The following RNF185 variants were observed in gnomAD, a reference collection of about 807,000 sequenced individuals.
RNF185 encodes ring finger protein 185, also known as E3 ubiquitin-protein ligase RNF185.
RNF185 carries 13 observed loss-of-function variants against 24.9 expected under a neutral mutation model. That is an observed-to-expected ratio of 0.52 (90% CI 0.34 to 0.83). The LOEUF (loss-of-function observed/expected upper bound fraction) is 0.83, where lower values mean the gene tolerates loss of function less well. Ranked by LOEUF, RNF185 falls within the 40% of genes least tolerant of loss-of-function variation. The pLI is 0.01. For missense variants in RNF185, 184 were observed against 244.7 expected (o/e 0.75, Z 1.65); for synonymous variants, 79 against 90.3 (o/e 0.88, Z 0.71).
intron 2 of RNF185, among the ~76,000 whole-genome samples, chr22:31,189,141 G>A (rs1008211146): frequency 2.7e-5 from 4 of 148,620 alleles, no homozygotes; most frequent in East Asian, 2.0e-4. Context: ...AAAAATGTGT[G>A]TGTGTGTGTG....
At chr22:31,168,677 C>A (rs1375180358) in intron 1 of RNF185, among the ~76,000 whole-genome samples, 2 of 152,122 alleles carry the variant, frequency 1.3e-5, no homozygotes, top group African/African-American at 4.8e-5. Flanking sequence ...TTTTACATTC[C>A]CACCAACAGA....
chr22:31,175,383 G>C (rs1368942397), intron 1 of RNF185, among the ~76,000 whole-genome samples: 1 of 151,720 alleles, frequency 6.6e-6, no homozygotes, highest in Admixed American at 6.6e-5. Context: ...GAACCCGGTA[G>C]GTGGAGGTTG....
intron 5 of RNF185, among the ~76,000 whole-genome samples, chr22:31,200,636 G>GA (rs1451794498): frequency 6.6e-6 from 1 of 152,200 alleles, no homozygotes; most frequent in Non-Finnish European, 1.5e-5. Flanking sequence ...ATGCAGTGTA[G>GA]AACATGCACA....
intron 1 of RNF185, among the ~76,000 whole-genome samples, chr22:31,171,156 C>CTTACTTTATTTAT (rs149267234): frequency 7.0e-6 from 1 of 143,150 alleles, no homozygotes; most frequent in Admixed American, 7.0e-5. Flanking sequence ...CTCTGATTTA[C>CTTACTTTATTTAT]TTATTTATTT....
At chr22:31,182,908 T>TTTTTTA (rs71319169) in intron 1 of RNF185, 4 of 143,060 alleles carry the variant, frequency 2.8e-5, no homozygotes, top group Non-Finnish European at 4.5e-5. Flanking sequence ...ATTTATTTTA[T>TTTTTTA]TTATTATTAT....
intron 1 of RNF185, among the ~76,000 whole-genome samples, chr22:31,169,634 C>T (rs761421873): frequency 1.2e-4 from 18 of 152,148 alleles, no homozygotes; most frequent in Non-Finnish European, 2.2e-4. Flanking sequence ...GCAACCTCTG[C>T]CTCCCGGACT....
chr22:31,184,622 C>T (rs2048078824), intron 1 of RNF185, among the ~76,000 whole-genome samples: 1 of 152,166 alleles, frequency 6.6e-6, no homozygotes, highest in Non-Finnish European at 1.5e-5. Context: ...CCAGCCTGGG[C>T]AACATTGAGC....
At position 31,204,839 on chromosome 22, in the gene RNF185, A is replaced by G; in HGVS notation, c.*253A>G. On this transcript the variant is annotated 3_prime_UTR_variant, in exon 7 of 7. Transcript: ENST00000326132. Reference sequence around the variant, plus strand: ...TGAGTCATCTCTCATGGGTGACACCATGAAATCTTGTTTCAGCCAGTTCTG... The same window carrying G: ...TGAGTCATCTCTCATGGGTGACACCGTGAAATCTTGTTTCAGCCAGTTCTG... 1 of 408,182 alleles carries G rather than the reference A, an allele frequency of 2.4e-6. No individual in the cohort carries two copies. Among genetic ancestry groups the G allele is most frequent in the Non-Finnish European group, 4.6e-6 (1 of 217,882 alleles). The allele number at this position is 408,182 out of a possible 1,614,324, so 25.3% of individuals were successfully genotyped here.
At chr22:31,163,829 T>C (rs1047227031) in intron 1 of RNF185, among the ~76,000 whole-genome samples, 12 of 151,500 alleles carry the variant, frequency 7.9e-5, no homozygotes, top group Non-Finnish European at 1.6e-4. Flanking sequence ...GCACGCCACC[T>C]TGCCTGGCTA....
chr22:31,167,543 T>C (rs1218994479), intron 1 of RNF185, among the ~76,000 whole-genome samples: 1 of 151,766 alleles, frequency 6.6e-6, no homozygotes, highest in East Asian at 1.9e-4. Flanking sequence ...TGGATATTTC[T>C]AATAAGATTC....
intron 2 of RNF185, among the ~76,000 whole-genome samples, chr22:31,190,949 C>T (rs1156631379): frequency 6.6e-6 from 1 of 152,194 alleles, no homozygotes. Context: ...CACTCTGTTA[C>T]AGTTACCTAT....
At chr22:31,169,989 G>A (rs566148635) in intron 1 of RNF185, among the ~76,000 whole-genome samples, 12 of 152,194 alleles carry the variant, frequency 7.9e-5, no homozygotes, top group Non-Finnish European at 1.6e-4. Flanking sequence ...ATTAGAAGCA[G>A]CACTTCTATG....
intron 1 of RNF185, among the ~76,000 whole-genome samples, chr22:31,169,052 C>T (rs1301517021): frequency 6.6e-6 from 1 of 152,052 alleles, no homozygotes; most frequent in Admixed American, 6.6e-5. Flanking sequence ...GAAGTACAGG[C>T]GTGTGCCACC....
intron 1 of RNF185, among the ~76,000 whole-genome samples, chr22:31,183,927 C>T (rs1036513222): frequency 8.1e-4 from 15 of 18,460 alleles, no homozygotes; most frequent in Non-Finnish European, 1.9e-4. Flanking sequence ...GGCGGCCGGG[C>T]AGAGGGGCTC....
intron 1 of RNF185, among the ~76,000 whole-genome samples, chr22:31,184,437 C>T (rs1454219497): frequency 2.6e-5 from 4 of 150,988 alleles, no homozygotes; most frequent in East Asian, 2.0e-4. Context: ...CCAGACTGGG[C>T]GGCTGGGCAG....
chr22:31,197,662 C>T (rs936470162), intron 5 of RNF185, among the ~76,000 whole-genome samples: 8 of 152,314 alleles, frequency 5.3e-5, no homozygotes, highest in African/African-American at 1.9e-4. Context: ...CTCAGTCTAC[C>T]TCAGCCTCCC....
intron 2 of RNF185, among the ~76,000 whole-genome samples, chr22:31,189,568 A>G: frequency 6.7e-6 from 1 of 150,178 alleles, no homozygotes. Flanking sequence ...AAGTGCTAGG[A>G]TTACAGGCGT....
At chr22:31,185,657 TCTGA>T (rs2048091866) in intron 1 of RNF185, among the ~76,000 whole-genome samples, 1 of 152,194 alleles carries the variant, frequency 6.6e-6, no homozygotes, top group South Asian at 2.1e-4. Context: ...CCTCCACTTC[TCTGA>T]CTGTGGTAGC....
intron 2 of RNF185, among the ~76,000 whole-genome samples, chr22:31,190,451 T>G (rs908101282): frequency 2.0e-5 from 3 of 151,834 alleles, no homozygotes; most frequent in Admixed American, 1.3e-4. Context: ...CACACCTGAC[T>G]AATTTTTGTA....
Sources: allele counts gnomAD v4.1 joint callset (sites outside exome capture counted in the v4.1 genomes callset), GRCh38; gene constraint gnomAD v4.1.1; transcripts MANE v1.5; gene names NCBI Gene and HGNC (gene_info 2026-07-23, HGNC 2026-07-21).